HNRNPA1L3: variants seen among roughly 807,000 people sequenced by gnomAD.
HNRNPA1L3 encodes heterogeneous nuclear ribonucleoprotein A1-like 3.
chr16:51,646,031 A>G, the HNRNPA1L3 span: 2 of 1,585,024 alleles, frequency 1.3e-6, no homozygotes, highest in South Asian at 1.1e-5. Flanking sequence ...GGATGCAGCT[A>G]TGAATGCAAG....
chr16:51,646,109 C>T, the HNRNPA1L3 span: 3 of 1,596,016 alleles, frequency 1.9e-6, no homozygotes, highest in Non-Finnish European at 1.7e-6. Flanking sequence ...TTCTCAAAGA[C>T]CAGATGCCCA....
At chr16:51,645,938 A>T in the HNRNPA1L3 span, 2 of 1,606,582 alleles carry the variant, frequency 1.2e-6, no homozygotes, top group Admixed American at 1.7e-5. Context: ...GGGAACGCTC[A>T]CGGACTGTGT....
At chr16:51,646,541 G>C in the HNRNPA1L3 span, 1 of 1,597,230 alleles carries the variant, frequency 6.3e-7, no homozygotes. Flanking sequence ...TGGCAGTGGG[G>C]ATGGCTATAA....
the HNRNPA1L3 span, chr16:51,646,335 A>T: frequency 5.1e-5 from 80 of 1,562,208 alleles, no homozygotes; most frequent in East Asian, 1.8e-3. Flanking sequence ...GTGAATGGCC[A>T]CAACTGTGAA....
chr16:51,646,811 G>A, the HNRNPA1L3 span: 2 of 1,428,690 alleles, frequency 1.4e-6, no homozygotes, highest in Non-Finnish European at 1.9e-6. Flanking sequence ...GGAGAGGAGA[G>A]CCAGAGAAGT....
chr16:51,646,088 T>C, the HNRNPA1L3 span: 3 of 1,595,364 alleles, frequency 1.9e-6, no homozygotes, highest in Non-Finnish European at 2.5e-6. Context: ...GAGAGCTGTC[T>C]CCAGAGAAGA....
At chr16:51,646,789 C>A in the HNRNPA1L3 span, 6 of 1,585,288 alleles carry the variant, frequency 3.8e-6, no homozygotes, top group African/African-American at 1.3e-5. Context: ...AATTAGGAAA[C>A]AAAGCTTAGC....
At chr16:51,645,847 C>T in the HNRNPA1L3 span, 339 of 1,604,490 alleles carry the variant, frequency 2.1e-4, no homozygotes, top group Admixed American at 5.2e-4. Context: ...CTAAAGAGCC[C>T]GAACAGCTGA....
the HNRNPA1L3 span, chr16:51,646,439 G>A: frequency 6.3e-7 from 1 of 1,583,140 alleles, no homozygotes; most frequent in African/African-American, 1.3e-5. Context: ...TGGTCGTGGA[G>A]GTGGTTTCGG....
At chr16:51,646,237 A>G in the HNRNPA1L3 span, 3 of 1,596,678 alleles carry the variant, frequency 1.9e-6, no homozygotes, top group Non-Finnish European at 1.7e-6. Context: ...TGACTGACAG[A>G]GGCAGTGGCA....
the HNRNPA1L3 span, chr16:51,646,617 A>G: frequency 6.3e-7 from 1 of 1,595,776 alleles, no homozygotes; most frequent in South Asian, 1.1e-5. Flanking sequence ...GGCAATTACA[A>G]CAATCAGTCT....
At chr16:51,646,430 G>A in the HNRNPA1L3 span, 1 of 1,577,348 alleles carries the variant, frequency 6.3e-7, no homozygotes, top group Non-Finnish European at 8.6e-7. Flanking sequence ...CTTTGGTGGT[G>A]GTCGTGGAGG....
chr16:51,645,812 G>T, the HNRNPA1L3 span: 1 of 1,607,728 alleles, frequency 6.2e-7, no homozygotes, highest in South Asian at 1.1e-5. Flanking sequence ...TCTTCACCCT[G>T]CCGTCATGTC....
the HNRNPA1L3 span, chr16:51,646,094 G>A: frequency 6.3e-7 from 1 of 1,595,864 alleles, no homozygotes; most frequent in Non-Finnish European, 8.5e-7. Flanking sequence ...TGTCTCCAGA[G>A]AAGATTCTCA....
chr16:51,645,816 T>C, the HNRNPA1L3 span: 274 of 1,607,876 alleles, frequency 1.7e-4, no homozygotes, highest in Admixed American at 6.7e-4. Flanking sequence ...CACCCTGCCG[T>C]CATGTCTAAG....
chr16:51,645,862 G>A, the HNRNPA1L3 span: 1 of 1,606,996 alleles, frequency 6.2e-7, no homozygotes, highest in South Asian at 1.1e-5. Flanking sequence ...AGCTGAGGAA[G>A]CTCTTCATTG....
At chr16:51,646,434 G>A in the HNRNPA1L3 span, 9,753 of 1,576,658 alleles carry the variant, frequency 6.2e-3, 496 homozygotes, top group African/African-American at 0.11. Flanking sequence ...GGTGGTGGTC[G>A]TGGAGGTGGT....
chr16:51,646,985 G>T, the HNRNPA1L3 span: 8 of 609,906 alleles, frequency 1.3e-5, no homozygotes, highest in Admixed American at 2.9e-5. Flanking sequence ...GGTTATTTTA[G>T]TTTCTGTTCT....
chr16:51,646,866 G>A, the HNRNPA1L3 span: 1 of 1,026,506 alleles, frequency 9.7e-7, no homozygotes, highest in Non-Finnish European at 1.5e-6. Context: ...ACTCAGCCAA[G>A]CACAGTGGTG....
Sources: allele counts gnomAD v4.1 joint callset, GRCh38; gene constraint gnomAD v4.1.1; transcripts MANE v1.5; gene names NCBI Gene and HGNC (gene_info 2026-07-23, HGNC 2026-07-21).